The following PGLYRP4 variants were observed in gnomAD, a reference collection of about 807,000 sequenced individuals.
PGLYRP4 encodes the protein PGRP-I-beta.
In PGLYRP4, 39 loss-of-function variants were observed where a neutral mutation model predicts 41.2. The ratio of observed to expected loss-of-function variants is 0.95; its 90% CI spans 0.73 to 1.24. The LOEUF (loss-of-function observed/expected upper bound fraction) is 1.24, where lower values mean the gene tolerates loss of function less well. Ranked by LOEUF, PGLYRP4 falls within the 50% of genes most tolerant of loss-of-function variation. The probability of loss-of-function intolerance (pLI) is 0.00; values close to 1 mark genes in which losing one functional copy is unlikely to be tolerated. For missense variants in PGLYRP4, 467 were observed against 460.7 expected (o/e 1.01, Z -0.13); for synonymous variants, 202 against 186.8 (o/e 1.08, Z -0.66).
Position 153,343,213 on chromosome 1 carries a change from G to A in PGLYRP4, c.354-5C>T. On this transcript the variant is annotated splice_region_variant and splice_polypyrimidine_tract_variant and intron_variant, in intron 4 of 8. Transcript: ENST00000359650. ...CCATCATCCCCAACCAGGAAGCTAT[G>A]GAGCAAGATAATACAGGTTTCATGG... 1 of 1,595,344 alleles carries A rather than the reference G, an allele frequency of 6.3e-7. No individual in the cohort carries two copies. Among genetic ancestry groups the A allele is most frequent in the Non-Finnish European group, 8.6e-7 (1 of 1,163,018 alleles).
chr1:153,332,331 TA>T (rs1466534239), intron 8 of PGLYRP4, among the ~76,000 whole-genome samples: 3 of 152,140 alleles, frequency 2.0e-5, no homozygotes, highest in African/African-American at 7.2e-5. Flanking sequence ...CAAGATGGAT[TA>T]AAAACTGAAA....
In PGLYRP4 at chr1:153,345,270, G is replaced by T. The variant is rs753050386; in HGVS notation, c.252C>A (p.Val84=). 4 of 1,614,018 alleles carry T rather than the reference G, an allele frequency of 2.5e-6. No homozygotes were observed. The highest frequency in any genetic ancestry group is 1.3e-5 in the African/African-American group (1 of 74,910). Residue 84 remains valine, a synonymous_variant, in exon 4 of 9, where the codon GTC becomes GTA. Transcript: ENST00000359650. The part of the protein sequence containing the change: ...TPVNVLVIHH[V]PGLECHDQTV... ...TCTGGTCGTGACACTCCAGTCCAGGGACATGGTGTATAACAAGGACATTCA... is the reference window on the plus strand; with the variant it reads ...TCTGGTCGTGACACTCCAGTCCAGGTACATGGTGTATAACAAGGACATTCA...
Position 153,345,302 on chromosome 1 carries a change from T to G in PGLYRP4, c.220A>C (p.Thr74Pro). The change falls in exon 4 of 9, where the codon ACG becomes CCG. Residue 74 changes from threonine (T) to proline (P), a missense_variant. Coordinates refer to ENST00000359650, the MANE Select transcript of PGLYRP4 (RefSeq NM_020393.4). ...TGTATAACAAGGACATTCACTGGCG[T>G]GGTCAGCTGAATACTGCAGCCAACA... is the stretch of plus-strand genomic sequence containing the variant. The part of the protein sequence containing the change: ...EAVGCSIQLT[T>P]PVNVLVIHHV... The G allele has an allele frequency of 6.2e-7, 1 of 1,614,150 alleles. No homozygotes were observed. The highest frequency in any genetic ancestry group is 8.5e-7 in the Non-Finnish European group (1 of 1,180,014).
intron 8 of PGLYRP4, among the ~76,000 whole-genome samples, 198 bp from the exon 9 acceptor site, chr1:153,331,143 G>A (rs1032185635): frequency 5.9e-5 from 9 of 152,298 alleles, no homozygotes; most frequent in African/African-American, 2.2e-4. Flanking sequence ...AGCCAAGCCT[G>A]GGATAATAAA....
chr1:153,343,230 G>A, intron 4 of PGLYRP4, 22 bp from the exon 5 acceptor site: 2 of 1,527,948 alleles, frequency 1.3e-6, no homozygotes, highest in South Asian at 1.1e-5. Flanking sequence ...GATAATACAG[G>A]TTTCATGGCT....
intron 8 of PGLYRP4, among the ~76,000 whole-genome samples, chr1:153,336,806 G>A (rs1432792527): frequency 6.6e-6 from 1 of 152,160 alleles, no homozygotes; most frequent in East Asian, 1.9e-4. Context: ...AAAGACTGGG[G>A]CTCACTGTGG....
At position 153,340,551 on chromosome 1, in the gene PGLYRP4, C is replaced by G. The variant is rs369538592; in HGVS notation, c.654G>C (p.Val218=). The change falls in exon 7 of 9, where the codon GTG becomes GTC. Residue 218 remains valine, a synonymous_variant. Transcript: ENST00000359650. ...KACPGVVPRS[V]WGARETHCPR... ...GACAGTGGGTCTCCCTGGCTCCCCA[C>G]ACAGACCGTGGGACAACGCCGGGGC... The G allele has an allele frequency of 3.2e-5, 52 of 1,613,992 alleles. No homozygotes were observed. The highest frequency in any genetic ancestry group is 6.7e-5 in the Admixed American group (4 of 60,006).
At chr1:153,345,499 G>C (rs936194517) in intron 3 of PGLYRP4, 117 bp from the exon 4 acceptor site, 2 of 846,552 alleles carry the variant, frequency 2.4e-6, no homozygotes, top group Admixed American at 1.9e-5. Context: ...CAGCAGGCAG[G>C]TGCACCTGCC....
At chr1:153,332,130 T>A (rs949594382) in intron 8 of PGLYRP4, among the ~76,000 whole-genome samples, 3 of 152,022 alleles carry the variant, frequency 2.0e-5, no homozygotes, top group Non-Finnish European at 2.9e-5. Flanking sequence ...AGATATTTCA[T>A]GTAAATGGAA....
chr1:153,336,384 A>AAAC (rs1660565270), intron 8 of PGLYRP4, among the ~76,000 whole-genome samples: 1 of 151,024 alleles, frequency 6.6e-6, no homozygotes, highest in African/African-American at 2.4e-5. Context: ...AAAAAAAAAA[A>AAAC]AAAAAAAACA....
intron 4 of PGLYRP4, chr1:153,344,887 T>A (rs1464048645): frequency 3.4e-6 from 1 of 295,306 alleles, no homozygotes; most frequent in Non-Finnish European, 6.5e-6. Context: ...AGGAAGTCGT[T>A]TGCAATCTGT....
At chr1:153,332,112 G>A (rs976505851) in intron 8 of PGLYRP4, among the ~76,000 whole-genome samples, 1 of 152,000 alleles carries the variant, frequency 6.6e-6, no homozygotes, top group Non-Finnish European at 1.5e-5. Flanking sequence ...AAAATCAAGG[G>A]TAGAGAAAGA....
chr1:153,336,736 G>GA (rs561595199), intron 8 of PGLYRP4, among the ~76,000 whole-genome samples: 39 of 150,862 alleles, frequency 2.6e-4, no homozygotes, highest in Admixed American at 5.3e-4. Flanking sequence ...CTATAAAAAT[G>GA]AAAAAAAAAG....
intron 8 of PGLYRP4, among the ~76,000 whole-genome samples, chr1:153,335,633 G>C (rs1437976067): frequency 6.6e-6 from 1 of 152,070 alleles, no homozygotes. Flanking sequence ...GCTGAGGCAG[G>C]AGAATTGCTT....
chr1:153,345,935 G>A (rs1571143348), intron 3 of PGLYRP4, among the ~76,000 whole-genome samples, 167 bp downstream of exon 3: 1 of 152,140 alleles, frequency 6.6e-6, no homozygotes, highest in Non-Finnish European at 1.5e-5. Context: ...TCCATCCCAA[G>A]GACCTGGGTA....
intron 7 of PGLYRP4, 76 bp downstream of exon 7, chr1:153,340,305 C>T: frequency 7.7e-7 from 1 of 1,305,186 alleles, no homozygotes; most frequent in Non-Finnish European, 1.1e-6. Flanking sequence ...AATATTAGTT[C>T]CCTTTCCCCT....
intron 8 of PGLYRP4, among the ~76,000 whole-genome samples, chr1:153,335,587 T>G (rs1328299373): frequency 2.6e-5 from 4 of 152,078 alleles, no homozygotes; most frequent in African/African-American, 9.7e-5. Context: ...TAGCTGGGTG[T>G]GGTGGCATGC....
chr1:153,347,781 A>G, intron 2 of PGLYRP4, 103 bp downstream of exon 2: 1 of 836,496 alleles, frequency 1.2e-6, no homozygotes, highest in South Asian at 1.4e-5. Flanking sequence ...GCAGCCTTGA[A>G]CTCCTCAGGC....
Position 153,341,712 on chromosome 1 carries a change from G to A in PGLYRP4, c.540C>T (p.Gly180=), listed in dbSNP as rs139107634. Residue 180 remains glycine, a synonymous_variant, in exon 6 of 9, where the codon GGC becomes GGT. Transcript: ENST00000359650. ...ENLITYAVQK[G]HLSSSYVQPL... is the part of the protein sequence containing the mutation. ...GCTGAACATAACTGGATGACAGGTG[G>A]CCCTTCTGGACAGCATAGGTGATTA... is the stretch of plus-strand genomic sequence containing the variant. 131 of 1,613,954 alleles carry A rather than the reference G, an allele frequency of 8.1e-5. 1 individual carries two copies. In the African/African-American group the frequency reaches 1.3e-3, roughly 16 times the overall value.
Sources: gnomAD v4.1 joint callset for allele counts (sites outside exome capture counted in the v4.1 genomes callset) on GRCh38, gnomAD v4.1.1 for gene constraint, MANE v1.5 for transcripts, NCBI Gene and HGNC (gene_info 2026-07-23, HGNC 2026-07-21) for gene names.